ABI1: variants seen among roughly 807,000 people sequenced by gnomAD.
ABI1 encodes Abelson interactor 1.
ABI1 carries 14 observed loss-of-function variants against 54.6 expected under a neutral mutation model. That is an observed-to-expected ratio of 0.26 (90% CI 0.17 to 0.40). ABI1 has a LOEUF of 0.40. Ranked by LOEUF, ABI1 falls within the 10% of genes least tolerant of loss-of-function variation. ABI1 has a pLI of 1.00. For missense variants in ABI1, 443 were observed against 598.3 expected, an observed-to-expected ratio of 0.74 and a Z score of 2.71; for synonymous variants, 194 against 209.3, an observed-to-expected ratio of 0.93 and a Z score of 0.63.
intron 1 of ABI1, among the ~76,000 whole-genome samples, chr10:26,824,360 T>A (rs1210444631): frequency 1.3e-5 from 2 of 152,186 alleles, no homozygotes; most frequent in Non-Finnish European, 2.9e-5. Flanking sequence ...CCCAGTAAGC[T>A]CACTTTTAGG....
chr10:26,823,096 G>GT lies in ABI1; in HGVS notation c.285+41dup, dbSNP rs559638301. On this transcript the variant is annotated intron_variant, in intron 2 of 10. Coordinates refer to ENST00000376140, the MANE Select transcript of ABI1 (RefSeq NM_001012750.3). ...ATTTACTTCTTTGGCATATGCTGTA[G>GT]TTTTTTTTAAATTGAATTTAAAGCA... is the stretch of plus-strand genomic sequence containing the variant. 809 of 1,516,636 alleles carry GT rather than the reference G, an allele frequency of 5.3e-4. 10 individuals carry two copies. The South Asian group carries it at 6.9e-3, about 13-fold the overall frequency. The allele number at this position is 1,516,636 out of a possible 1,614,324, so 93.9% of individuals were successfully genotyped here. A position where few individuals can be genotyped will look rare whatever the true frequency, so the allele number is the denominator to read the frequency against.
At chr10:26,823,431 A>G in intron 1 of ABI1, 126 bp from the exon 2 acceptor site, 1 of 778,682 alleles carries the variant, frequency 1.3e-6, no homozygotes. Context: ...CACTGTACCA[A>G]TATGATAGTC....
rs397724445 is a variant in ABI1, at chr10:26,851,348, A to ATTTTTTTTTTT, written c.117+9388_117+9398dup. On this transcript the variant is annotated intron_variant, in intron 1 of 10. Coordinates refer to ENST00000376140, the MANE Select transcript of ABI1 (RefSeq NM_001012750.3). The stretch of plus-strand genomic sequence containing the variant: ...GTAGCTGGGACTACAGACTAAGCTA[A>ATTTTTTTTTTT]TTTTTTTTTTTTTTTTTTTTTTTTT... Among the ~76,000 whole-genome samples, 8 of 67,810 alleles carry ATTTTTTTTTTT rather than the reference A, an allele frequency of 1.2e-4. 1 individual carries two copies. The highest frequency in any genetic ancestry group is 2.6e-4 in the African/African-American group (4 of 15,546). The allele number at this position is 67,810 out of a possible 152,430, so 44.5% of individuals were successfully genotyped here.
rs142163805 is a variant in ABI1 at position 26,747,498 on chromosome 10, C to T, written c.*1072G>A. The stretch of plus-strand genomic sequence containing the variant: ...TAAAGAGTGCCTACTCACAAATCAA[C>T]TGTATCCACTTTTACAATATGTAAA... On this transcript the variant is annotated 3_prime_UTR_variant, in exon 11 of 11. Coordinates refer to ENST00000376140, the MANE Select transcript of ABI1 (RefSeq NM_001012750.3). 51 of 208,962 alleles carry T rather than the reference C, an allele frequency of 2.4e-4. No homozygotes were observed. The highest frequency in any genetic ancestry group is 1.1e-3 in the African/African-American group (50 of 44,096). 12.9% of individuals were successfully genotyped at this position (208,962 alleles called of 1,614,324 possible).
chr10:26,763,117 C>G (rs896194872), intron 7 of ABI1, among the ~76,000 whole-genome samples: 3 of 152,074 alleles, frequency 2.0e-5, no homozygotes, highest in Non-Finnish European at 4.4e-5. Context: ...TTCTTAGGGT[C>G]TTCATTTTAC....
intron 7 of ABI1, 111 bp downstream of exon 7, chr10:26,765,107 A>T: frequency 1.3e-6 from 1 of 771,136 alleles, no homozygotes. Flanking sequence ...TCTAGCAACG[A>T]TCACAAATTT....
intron 1 of ABI1, among the ~76,000 whole-genome samples, chr10:26,834,576 C>T (rs974141352): frequency 2.0e-5 from 3 of 151,538 alleles, no homozygotes; most frequent in African/African-American, 4.8e-5. Flanking sequence ...CACACACACA[C>T]ACACACACAC....
intron 2 of ABI1, among the ~76,000 whole-genome samples, chr10:26,812,618 G>C (rs548127083): frequency 6.6e-6 from 1 of 152,170 alleles, no homozygotes; most frequent in Non-Finnish European, 1.5e-5. Context: ...ACAGGTAAGT[G>C]GCTAGGAAAT....
intron 2 of ABI1, among the ~76,000 whole-genome samples, chr10:26,795,689 G>A (rs185951119): frequency 1.1e-4 from 16 of 151,882 alleles, no homozygotes; most frequent in Admixed American, 2.0e-4. Context: ...AAATTTAACC[G>A]AGAAGGTTAA....
At chr10:26,819,156 C>A (rs1158142660) in intron 2 of ABI1, among the ~76,000 whole-genome samples, 1 of 151,972 alleles carries the variant, frequency 6.6e-6, no homozygotes, top group African/African-American at 2.4e-5. Flanking sequence ...CTAAGGCAAA[C>A]ATGAATGAAA....
At chr10:26,771,760 G>A (rs1387458341) in intron 3 of ABI1, among the ~76,000 whole-genome samples, 1 of 152,044 alleles carries the variant, frequency 6.6e-6, no homozygotes, top group Non-Finnish European at 1.5e-5. Context: ...ACACTAATAG[G>A]AAGTTCTAAG....
At chr10:26,765,377 C>T in intron 6 of ABI1, 59 bp from the exon 7 acceptor site, 1 of 1,195,060 alleles carries the variant, frequency 8.4e-7, no homozygotes, top group Admixed American at 2.7e-5. Context: ...TAAAAAAAAA[C>T]TGTAATCACC....
intron 2 of ABI1, among the ~76,000 whole-genome samples, chr10:26,778,037 T>G (rs116017048): frequency 0.015 from 2,343 of 151,914 alleles, 51 homozygotes; most frequent in African/African-American, 0.054. Flanking sequence ...CTGTACCTAC[T>G]CTGTACAAAG....
chr10:26,856,500 T>C (rs565773880), intron 1 of ABI1, among the ~76,000 whole-genome samples: 51 of 135,172 alleles, frequency 3.8e-4, no homozygotes, highest in African/African-American at 1.3e-3. Flanking sequence ...GTGTACAGTA[T>C]CAGAAATGTT....
At chr10:26,836,000 G>T (rs2049045978) in intron 1 of ABI1, among the ~76,000 whole-genome samples, 1 of 151,868 alleles carries the variant, frequency 6.6e-6, no homozygotes, top group Admixed American at 6.6e-5. Flanking sequence ...GAATCCTCCT[G>T]CCTCAGCCTC....
intron 1 of ABI1, among the ~76,000 whole-genome samples, chr10:26,850,466 T>G (rs549211360): frequency 6.6e-6 from 1 of 151,840 alleles, no homozygotes; most frequent in Non-Finnish European, 1.5e-5. Flanking sequence ...AAGACCAGCC[T>G]GGCCAACACG....
chr10:26,781,538 T>C (rs1842108017), intron 2 of ABI1, among the ~76,000 whole-genome samples: 1 of 152,202 alleles, frequency 6.6e-6, no homozygotes, highest in Non-Finnish European at 1.5e-5. Context: ...CCAGTGCCCA[T>C]GATACAGAAC....
chr10:26,777,825 T>C (rs1315792786), intron 2 of ABI1, among the ~76,000 whole-genome samples: 2 of 152,136 alleles, frequency 1.3e-5, no homozygotes, highest in Admixed American at 6.5e-5. Flanking sequence ...TGTCCTGGTA[T>C]GAGTAGCTGA....
intron 7 of ABI1, chr10:26,764,066 C>A (rs1393156526): frequency 7.7e-6 from 6 of 779,914 alleles, no homozygotes; most frequent in Middle Eastern, 3.9e-4. Flanking sequence ...AAAAAAGATA[C>A]CCCCATGTAA....
Sources: gnomAD v4.1 joint callset for allele counts (sites outside exome capture counted in the v4.1 genomes callset) on GRCh38, gnomAD v4.1.1 for gene constraint, MANE v1.5 for transcripts, NCBI Gene and HGNC (gene_info 2026-07-23, HGNC 2026-07-21) for gene names.